SH2D5: variants seen among roughly 807,000 people sequenced by gnomAD.
The protein encoded by SH2D5 is SH2 domain-containing protein 5.
In SH2D5, 45 loss-of-function variants were observed where a neutral mutation model predicts 48.2. The observed-to-expected ratio is 0.93, with a 90% CI of 0.73 to 1.20. The LOEUF is 1.20. Ranked by LOEUF, SH2D5 falls within the 50% of genes most tolerant of loss-of-function variation. The pLI is 0.00. For synonymous variants in SH2D5, 230 were observed against 249.8 expected (o/e 0.92, Z 0.75); for missense variants, 538 against 584.1 (o/e 0.92, Z 0.81).
At chr1:20,723,595 T>C in intron 8 of SH2D5, 31 bp downstream of exon 8, 1 of 1,561,790 alleles carries the variant, frequency 6.4e-7, no homozygotes, top group Non-Finnish European at 8.8e-7. Context: ...CCCAAGGGAC[T>C]GGGCGTCAGG....
In SH2D5 at chr1:20,724,439, A is replaced by G. The variant is rs775575933; in HGVS notation, c.587T>C (p.Val196Ala). ...DQLSQNVHAL[V>A]SFRRLPAEGL... is the part of the protein sequence containing the mutation. ...CTCTGCTGGCAGCCGCCGAAAGGAG[A>G]CCAGGGCATGGACGTTCTGAGAGAG... Residue 196 changes from valine (V) to alanine (A), a missense_variant, in exon 6 of 10, where the codon GTC becomes GCC. Physicochemically the swap from Val to Ala is moderately conservative, Grantham distance 64. Coordinates refer to ENST00000444387, the MANE Select transcript of SH2D5 (RefSeq NM_001103161.2). 8.7e-6 allele frequency: 14 copies of G among 1,612,754 alleles called. No homozygotes were observed. Among genetic ancestry groups the G allele is most frequent in the Non-Finnish European group, 1.0e-5 (12 of 1,179,984 alleles).
chr1:20,728,660 A>T lies in SH2D5; in HGVS notation c.-42-574T>A, dbSNP rs889796445. Among the ~76,000 whole-genome samples the T allele has an allele frequency of 2.0e-5, 3 of 152,238 alleles. No homozygotes were observed. Among genetic ancestry groups the T allele is most frequent in the Non-Finnish European group, 4.4e-5 (3 of 68,028 alleles). ...TGCAAAGACACAAAGGAAGGCAGGC[A>T]GTGGGGGCCCGCAGGCCGACCTCAG... On this transcript the variant is annotated intron_variant, in intron 1 of 9. Coordinates refer to ENST00000444387, the MANE Select transcript of SH2D5 (RefSeq NM_001103161.2). The surrounding 1 kb of genome is among the most constrained non-coding windows in gnomAD (Gnocchi z 4.3).
chr1:20,730,474 G>T (rs2054887442), intron 1 of SH2D5, among the ~76,000 whole-genome samples: 1 of 152,216 alleles, frequency 6.6e-6, no homozygotes, highest in South Asian at 2.1e-4. Context: ...AGCGGTGGGG[G>T]TGCAGAGGCC....
chr1:20,719,992 A>G lies in SH2D5; in HGVS notation c.*1800T>C, dbSNP rs1441740330. 4 of 152,266 alleles carry G rather than the reference A, an allele frequency of 2.6e-5. No individual in the cohort carries two copies. Among genetic ancestry groups the G allele is most frequent in the Non-Finnish European group, 5.9e-5 (4 of 68,070 alleles). 9.4% of individuals were successfully genotyped at this position (152,266 alleles called of 1,614,324 possible). On this transcript the variant is annotated 3_prime_UTR_variant, in exon 10 of 10. Coordinates refer to ENST00000444387, the MANE Select transcript of SH2D5 (RefSeq NM_001103161.2). ...AGCTTCTCCACACAGGTAATTCACC[A>G]GTAAAACCCATCCCTCACAGAGGAG...
Position 20,726,017 on chromosome 1 carries a change from C to G in SH2D5, c.293G>C (p.Cys98Ser). 1.2e-6 allele frequency: 2 copies of G among 1,612,044 alleles called. No homozygotes were observed. Among genetic ancestry groups the G allele is most frequent in the Non-Finnish European group, 1.7e-6 (2 of 1,179,434 alleles). Residue 98 changes from cysteine to serine, a missense_variant, in exon 5 of 10, where the codon TGC (cysteine) becomes TCC (serine). Cys to Ser is a moderately radical substitution (Grantham distance 112). Transcript: ENST00000444387. Reference protein sequence around the residue: ...ALRRILYSTWCPADCQFAFMA... With the variant: ...ALRRILYSTWSPADCQFAFMA... Reference sequence around the variant, plus strand: ...GAAGGCAAACTGGCAGTCGGCAGGGCACCAGGTGGAGTAGAGTATGCGCCT... The same window carrying G: ...GAAGGCAAACTGGCAGTCGGCAGGGGACCAGGTGGAGTAGAGTATGCGCCT...
intron 6 of SH2D5, 36 bp downstream of exon 6, chr1:20,724,360 G>C (rs770223620): frequency 6.2e-7 from 1 of 1,607,072 alleles, no homozygotes; most frequent in Non-Finnish European, 8.5e-7. Context: ...CAGTTCCCTT[G>C]TCCACTGCCC....
intron 7 of SH2D5, 96 bp from the exon 8 acceptor site, chr1:20,723,830 G>A: frequency 9.1e-7 from 1 of 1,103,356 alleles, no homozygotes; most frequent in Non-Finnish European, 1.3e-6. Context: ...TCCTCCCCAA[G>A]CCTCTCTACC....
rs1011394744 is a variant in SH2D5 at position 20,728,432 on chromosome 1, T to C, written c.-42-346A>G. ...AGGAGGGGAGGTCTGGGTCAAGATC[T>C]GAAGGGTGTGGCGGTACATGCCCAG... is the stretch of plus-strand genomic sequence containing the variant. On this transcript the variant is annotated intron_variant, in intron 1 of 9. Transcript: ENST00000444387. This position sits in a 1 kb window ranked among gnomAD's most constrained non-coding sequence, Gnocchi z 4.3. 6.6e-6 allele frequency among the ~76,000 whole-genome samples: 1 copy of C among 152,068 alleles called. No homozygotes were observed. The highest frequency in any genetic ancestry group is 1.5e-5 in the Non-Finnish European group (1 of 67,980).
chr1:20,726,210 T>C, intron 4 of SH2D5, 144 bp from the exon 5 acceptor site: 1 of 1,057,396 alleles, frequency 9.5e-7, no homozygotes, highest in Admixed American at 3.0e-5. Flanking sequence ...GCCCTGGGGC[T>C]TAAGATCGCC....
At chr1:20,730,054 AG>A (rs1294063378) in intron 1 of SH2D5, among the ~76,000 whole-genome samples, 1 of 152,118 alleles carries the variant, frequency 6.6e-6, no homozygotes, top group Non-Finnish European at 1.5e-5. Context: ...GGAGGTGGGG[AG>A]GGGGGCTTCC....
Position 20,725,978 on chromosome 1 carries a change from G to A in SH2D5, c.332C>T (p.Pro111Leu), listed in dbSNP as rs754790200. The A allele has an allele frequency of 6.2e-7, 1 of 1,613,218 alleles. No individual in the cohort carries two copies. ...GAAGAGCTTGCTGGCTGGGCTCCGT[G>A]GGTTTCGAGCCATGAAGGCAAACTG... ...DCQFAFMARN[P>L]RSPASKLFCH... is the part of the protein sequence containing the mutation. The change falls in exon 5 of 10, where the codon CCA becomes CTA. Residue 111 changes from proline (P) to leucine (L), a missense_variant. Transcript: ENST00000444387.
Position 20,727,600 on chromosome 1 carries a change from C to T in SH2D5, c.91G>A (p.Val31Met), listed in dbSNP as rs764532491. Residue 31 changes from valine to methionine, a missense_variant, in exon 3 of 10, where the codon GTG becomes ATG. Transcript: ENST00000444387. ...PRCITKFAQY[V>M]GSFPVDDLDT... ...AGGTCATCCACAGGGAAGGAGCCCA[C>T]GTACTGCTCGGCAGTGGGGTGAAGG... 33 of 1,607,992 alleles carry T rather than the reference C, an allele frequency of 2.1e-5. No homozygotes were observed. The highest frequency in any genetic ancestry group is 5.3e-5 in the African/African-American group (4 of 74,864).
rs2054842416 is a variant in SH2D5 at position 20,728,192 on chromosome 1, AGCACGGCT to A, written c.-42-114_-42-107del. On this transcript the variant is annotated intron_variant, in intron 1 of 9. Coordinates refer to ENST00000444387, the MANE Select transcript of SH2D5 (RefSeq NM_001103161.2). This position sits in a 1 kb window ranked among gnomAD's most constrained non-coding sequence, Gnocchi z 4.3. ...CTTCCTGAGCAGCTGCTATGTGTGCAGCACGGCTGCGCAATGTCCCGGGCCCTGGGGAG... is the reference window on the plus strand; with the variant it reads ...CTTCCTGAGCAGCTGCTATGTGTGCAGCGCAATGTCCCGGGCCCTGGGGAG... 1 of 622,606 alleles carries A rather than the reference AGCACGGCT, an allele frequency of 1.6e-6. No homozygotes were observed. The highest frequency in any genetic ancestry group is 2.8e-6 in the Non-Finnish European group (1 of 355,912). The allele number at this position is 622,606 out of a possible 1,614,324, so 38.6% of individuals were successfully genotyped here.
At position 20,732,330 on chromosome 1, in the gene SH2D5, G is replaced by C. The variant is rs886888263; in HGVS notation, c.-192C>G. On this transcript the variant is annotated 5_prime_UTR_variant, in exon 1 of 10. Transcript: ENST00000444387. The surrounding 1 kb of genome is among the most constrained non-coding windows in gnomAD (Gnocchi z 5.1). The stretch of plus-strand genomic sequence containing the variant: ...GAAGGCACCTCCTCCCGGGCTGGGG[G>C]CGCTGAATCCCCCGCGCCTCACTCA... The C allele has an allele frequency of 6.6e-6, 1 of 152,218 alleles. No homozygotes were observed. The highest frequency in any genetic ancestry group is 2.1e-4 in the South Asian group (1 of 4,834). The allele number at this position is 152,218 out of a possible 1,614,324, so 9.4% of individuals were successfully genotyped here.
intron 5 of SH2D5, among the ~76,000 whole-genome samples, chr1:20,725,315 T>C (rs969763885): frequency 2.0e-5 from 3 of 152,252 alleles, no homozygotes; most frequent in Non-Finnish European, 4.4e-5. Flanking sequence ...AAATGGTTGC[T>C]GGTCAGAACC....
At chr1:20,726,687 A>T (rs568677852) in intron 4 of SH2D5, among the ~76,000 whole-genome samples, 1 of 152,224 alleles carries the variant, frequency 6.6e-6, no homozygotes, top group South Asian at 2.1e-4. Context: ...CCCACGGCCC[A>T]CCAGCCAGGG....
chr1:20,731,804 G>A (rs927773467), intron 1 of SH2D5, among the ~76,000 whole-genome samples: 3 of 152,068 alleles, frequency 2.0e-5, no homozygotes, highest in Non-Finnish European at 4.4e-5. Flanking sequence ...GCGCTGCGGG[G>A]AACGGCCAGG....
intron 5 of SH2D5, 109 bp from the exon 6 acceptor site, chr1:20,724,744 GGAGGCTCTT>G: frequency 2.3e-6 from 3 of 1,327,570 alleles, no homozygotes; most frequent in Non-Finnish European, 3.0e-6. Flanking sequence ...CCTTGGCTTC[GGAGGCTCTT>G]CCCATTCTTC....
At position 20,722,005 on chromosome 1, in the gene SH2D5, G is replaced by T; in HGVS notation, c.1069-10C>A. Reference sequence around the variant, plus strand: ...ACTCTGCCGGCAGGTGCTAGGGGAGGAAGGGACTTCAGCTCCAGTCCCCTT... The same window carrying T: ...ACTCTGCCGGCAGGTGCTAGGGGAGTAAGGGACTTCAGCTCCAGTCCCCTT... On this transcript the variant is annotated splice_polypyrimidine_tract_variant and intron_variant, in intron 9 of 9. Coordinates refer to ENST00000444387, the MANE Select transcript of SH2D5 (RefSeq NM_001103161.2). 6.2e-7 allele frequency: 1 copy of T among 1,611,088 alleles called. No homozygotes were observed. Among genetic ancestry groups the T allele is most frequent in the South Asian group, 1.1e-5 (1 of 90,858 alleles).
Sources: gnomAD v4.1 joint callset for allele counts (sites outside exome capture counted in the v4.1 genomes callset) on GRCh38, gnomAD v4.1.1 for gene constraint, Gnocchi (gnomAD v3.1) non-coding constraint, MANE v1.5 for transcripts, NCBI Gene and HGNC (gene_info 2026-07-23, HGNC 2026-07-21) for gene names.